Variants in ANKS1A observed in about 807,000 individuals in gnomAD.
ANKS1A encodes the protein ankyrin repeat and sterile alpha motif domain containing 1A, also known as ankyrin repeat and SAM domain-containing protein 1A.
ANKS1A carries 55 observed loss-of-function variants against 120.3 expected under a neutral mutation model. The ratio of observed to expected loss-of-function variants is 0.46; its 90% CI spans 0.37 to 0.57. The LOEUF is 0.57. Ranked by LOEUF, ANKS1A falls within the 20% of genes least tolerant of loss-of-function variation. The probability of loss-of-function intolerance (pLI) is 0.00; values close to 1 mark genes in which losing one functional copy is unlikely to be tolerated. For synonymous variants in ANKS1A, 590 were observed against 604.7 expected (o/e 0.98, Z 0.36); for missense variants, 1,123 against 1,480.3 (o/e 0.76, Z 3.96).
At chr6:35,078,046 C>T (rs1777460208) in intron 13 of ANKS1A, among the ~76,000 whole-genome samples, 1 of 152,190 alleles carries the variant, frequency 6.6e-6, no homozygotes, top group Admixed American at 6.5e-5. Context: ...ACCCTTCTCC[C>T]TGGGACAAGG....
Position 35,089,131 on chromosome 6 carries a change from G to A in ANKS1A, c.*522G>A, listed in dbSNP as rs191276999. The A allele has an allele frequency of 1.1e-5, 11 of 1,011,732 alleles. No homozygotes were observed. Among genetic ancestry groups the A allele is most frequent in the Middle Eastern group, 5.1e-4 (1 of 1,976 alleles). 62.7% of individuals were successfully genotyped at this position (1,011,732 alleles called of 1,614,324 possible). ...GCTCAGGCAGAATTGAGTACGGTGC[G>A]TCTGCTTTTCAAACCCAACCATATC... On this transcript the variant is annotated 3_prime_UTR_variant, in exon 24 of 24. Transcript: ENST00000360359.
At chr6:35,091,484 C>G, downstream of ANKS1A, 1 of 934,888 alleles carries the variant, frequency 1.1e-6, no homozygotes, top group Non-Finnish European at 1.3e-6. Context: ...AGGCGAGACG[C>G]AGGCTCAGGA....
intron 1 of ANKS1A, among the ~76,000 whole-genome samples, chr6:34,966,589 A>G (rs1037088016): frequency 6.6e-6 from 1 of 152,236 alleles, no homozygotes; most frequent in Non-Finnish European, 1.5e-5. Flanking sequence ...ATTATTTTAG[A>G]AGCTCTGGTC....
intron 11 of ANKS1A, among the ~76,000 whole-genome samples, chr6:35,037,786 A>G (rs557391286): frequency 6.6e-6 from 1 of 152,282 alleles, no homozygotes; most frequent in Admixed American, 6.5e-5. Flanking sequence ...TTTAGAAATG[A>G]CAAATGCCTA....
intron 10 of ANKS1A, among the ~76,000 whole-genome samples, chr6:35,008,724 A>G (rs1469802689): frequency 6.7e-6 from 1 of 148,954 alleles, no homozygotes; most frequent in African/African-American, 2.6e-5. Context: ...TATATATGAG[A>G]CATATGTAAA....
chr6:34,972,798 T>C (rs932798717), intron 3 of ANKS1A, among the ~76,000 whole-genome samples: 1 of 152,186 alleles, frequency 6.6e-6, no homozygotes, highest in South Asian at 2.1e-4. Context: ...TGTCTGGGAA[T>C]GGGAAAATGC....
intron 9 of ANKS1A, among the ~76,000 whole-genome samples, chr6:34,991,673 CATATATATACATATATACACAT>C (rs1254910266): frequency 3.0e-4 from 9 of 29,860 alleles, no homozygotes; most frequent in African/African-American, 6.1e-4. Context: ...TATATATACA[CATATATATACATATATACACAT>C]ATATATACAT....
At position 34,982,866 on chromosome 6, in the gene ANKS1A, A is replaced by G. The variant is rs201874533; in HGVS notation, c.808+39A>G. The G allele has an allele frequency of 1.6e-4, 251 of 1,613,630 alleles. No homozygotes were observed. The African/African-American group carries it at 3.0e-3, about 19-fold the overall frequency. ...AGCGCTCTTGTCTACACAGCGTGCC[A>G]GGGTTGGGATTGTTTCTCCCTAGTC... is the stretch of plus-strand genomic sequence containing the variant. On this transcript the variant is annotated intron_variant, in intron 5 of 23. Transcript: ENST00000360359. The surrounding 1 kb of genome is among the most constrained non-coding windows in gnomAD (Gnocchi z 4.9).
In ANKS1A at chr6:34,982,123, A is replaced by C; in HGVS notation, c.732+137A>C. 1.8e-6 allele frequency: 2 copies of C among 1,113,292 alleles called. No homozygotes were observed. Among genetic ancestry groups the C allele is most frequent in the Non-Finnish European group, 2.5e-6 (2 of 798,398 alleles). 69.0% of individuals were successfully genotyped at this position (1,113,292 alleles called of 1,614,324 possible). On this transcript the variant is annotated intron_variant, in intron 4 of 23. Transcript: ENST00000360359. The surrounding 1 kb of genome is among the most constrained non-coding windows in gnomAD (Gnocchi z 4.9). ...GTTTCAAATGCTTATTTGCCGACTCATTCTAATGTGACACTAAGAAACAAA... is the reference window on the plus strand; with the variant it reads ...GTTTCAAATGCTTATTTGCCGACTCCTTCTAATGTGACACTAAGAAACAAA...
chr6:35,005,995 T>C (rs895415637), intron 10 of ANKS1A, among the ~76,000 whole-genome samples: 2 of 152,122 alleles, frequency 1.3e-5, no homozygotes, highest in African/African-American at 2.4e-5. Flanking sequence ...GAGACCATCC[T>C]GGCTAACATG....
At chr6:34,948,151 G>GT (rs398065697) in intron 1 of ANKS1A, among the ~76,000 whole-genome samples, 5,837 of 134,722 alleles carry the variant, frequency 0.043, 278 homozygotes, top group African/African-American at 0.12. Flanking sequence ...TCATTTAGGT[G>GT]TTTTTTTTTT....
intron 9 of ANKS1A, among the ~76,000 whole-genome samples, chr6:34,990,566 C>T (rs1195540902): frequency 6.6e-6 from 1 of 150,994 alleles, no homozygotes; most frequent in African/African-American, 2.4e-5. Context: ...TCTGTAAATG[C>T]CTTCTGCCCC....
Position 35,009,997 on chromosome 6 carries a change from T to C in ANKS1A, c.1424-7476T>C, listed in dbSNP as rs536891993. The C allele has an allele frequency of 9.1e-4, 197 of 217,678 alleles. 2 individuals are homozygous for C. The highest frequency in any genetic ancestry group is 3.8e-3 in the African/African-American group (132 of 34,988). 13.5% of individuals were successfully genotyped at this position (217,678 alleles called of 1,614,324 possible). A position where few individuals can be genotyped will look rare whatever the true frequency, so the allele number is the denominator to read the frequency against. On this transcript the variant is annotated intron_variant, in intron 10 of 23. Transcript: ENST00000360359. ...AAAACAGAACTTAGCCTGGGCAACA[T>C]AGTGAGATCTTGTCTCTACGAAAAT...
intron 11 of ANKS1A, chr6:35,039,598 C>G (rs1273614212): frequency 2.2e-6 from 1 of 456,706 alleles, no homozygotes; most frequent in Admixed American, 2.3e-5. Context: ...CACACACTTA[C>G]CAAATTAAGG....
chr6:35,023,221 C>T (rs558998105), intron 11 of ANKS1A, among the ~76,000 whole-genome samples: 1 of 152,276 alleles, frequency 6.6e-6, no homozygotes, highest in East Asian at 1.9e-4. Context: ...TAGCTCCCCT[C>T]CCTGCACCTT....
At chr6:35,095,716 A>G (rs1260898762), downstream of ANKS1A, among the ~76,000 whole-genome samples, 1 of 151,810 alleles carries the variant, frequency 6.6e-6, no homozygotes, top group Non-Finnish European at 1.5e-5. Flanking sequence ...AACTATTATT[A>G]CAAAAGACCA....
At chr6:34,934,950 A>G (rs1165258066) in intron 1 of ANKS1A, among the ~76,000 whole-genome samples, 3 of 151,672 alleles carry the variant, frequency 2.0e-5, no homozygotes, top group Non-Finnish European at 4.4e-5. Flanking sequence ...ATTTGTTTTT[A>G]TTTTCCTTCT....
rs1009723904 is a variant in ANKS1A, at chr6:34,892,819, T to C, written c.197+3220T>C. Among the ~76,000 whole-genome samples the C allele has an allele frequency of 3.4e-4, 52 of 152,358 alleles. 1 individual carries two copies. The highest frequency in any genetic ancestry group is 2.2e-3 in the Admixed American group (33 of 15,300). ...TGATCGCTTTGGCCTGTCAGTATAA[T>C]GTTTACATATAGCAACCCTCACCGA... On this transcript the variant is annotated intron_variant, in intron 1 of 23. Transcript: ENST00000360359.
At chr6:34,954,867 A>AG (rs1770274927) in intron 1 of ANKS1A, among the ~76,000 whole-genome samples, 1 of 152,102 alleles carries the variant, frequency 6.6e-6, no homozygotes, top group African/African-American at 2.4e-5. Flanking sequence ...ACTGATTGTT[A>AG]GGCTTATGCT....
Sources: gnomAD v4.1 joint callset for allele counts (sites outside exome capture counted in the v4.1 genomes callset) on GRCh38, gnomAD v4.1.1 for gene constraint, Gnocchi (gnomAD v3.1) non-coding constraint, MANE v1.5 for transcripts, NCBI Gene and HGNC (gene_info 2026-07-23, HGNC 2026-07-21) for gene names.